CDH4: variants seen among roughly 807,000 people sequenced by gnomAD.
CDH4 encodes cadherin 4.
CDH4 carries 33 observed loss-of-function variants against 86.0 expected under a neutral mutation model. The observed-to-expected ratio is 0.38, with a 90% CI of 0.29 to 0.51. The LOEUF (loss-of-function observed/expected upper bound fraction) is 0.51, where lower values mean the gene tolerates loss of function less well. CDH4 is among the 20% of genes least tolerant of loss of function. The pLI is 0.86. For synonymous variants in CDH4, 555 were observed against 549.4 expected (o/e 1.01, Z -0.14); for missense variants, 1,114 against 1,307.4 (o/e 0.85, Z 2.28).
At chr20:61,532,926 A>G (rs547192690) in intron 2 of CDH4, among the ~76,000 whole-genome samples, 151 of 152,208 alleles carry the variant, frequency 9.9e-4, no homozygotes, top group African/African-American at 3.5e-3. Context: ...CTGCGATGCA[A>G]TCAAGGTACG....
At chr20:61,856,790 G>C (rs886079749) in intron 6 of CDH4, among the ~76,000 whole-genome samples, 2 of 152,216 alleles carry the variant, frequency 1.3e-5, no homozygotes, top group African/African-American at 4.8e-5. Context: ...TTGAGGCACA[G>C]AGTGAGATGT....
chr20:61,319,046 C>T (rs1220740989), intron 2 of CDH4, among the ~76,000 whole-genome samples: 2 of 152,218 alleles, frequency 1.3e-5, no homozygotes, highest in East Asian at 3.8e-4. Flanking sequence ...ACTTAGTTTC[C>T]ACGATCTTAA....
intron 2 of CDH4, among the ~76,000 whole-genome samples, chr20:61,555,879 AGTC>A (rs2086173584): frequency 6.6e-6 from 1 of 152,252 alleles, no homozygotes; most frequent in South Asian, 2.1e-4. Flanking sequence ...CACGGTTTCT[AGTC>A]GTGTGACAAT....
At chr20:61,652,938 A>ATTTTTTTTTTTTTT (rs763918382) in intron 2 of CDH4, among the ~76,000 whole-genome samples, 93 of 97,248 alleles carry the variant, frequency 9.6e-4, no homozygotes, top group Middle Eastern at 5.4e-3. Context: ...TTATTTATTT[A>ATTTTTTTTTTTTTT]TTTTTTTTTT....
chr20:61,311,429 A>T (rs890729138), intron 2 of CDH4, among the ~76,000 whole-genome samples: 2 of 152,244 alleles, frequency 1.3e-5, no homozygotes, highest in Non-Finnish European at 2.9e-5. Flanking sequence ...ACCTTTCCAT[A>T]TAAAGATGTA....
chr20:61,426,225 T>C (rs1314895051), intron 2 of CDH4, among the ~76,000 whole-genome samples: 1 of 152,242 alleles, frequency 6.6e-6, no homozygotes, highest in Non-Finnish European at 1.5e-5. Flanking sequence ...ATCATCTCAT[T>C]TTTTGACGCA....
At chr20:61,799,826 A>G (rs945620963) in intron 4 of CDH4, among the ~76,000 whole-genome samples, 1 of 152,154 alleles carries the variant, frequency 6.6e-6, no homozygotes, top group African/African-American at 2.4e-5. Flanking sequence ...GCTCAGCCCA[A>G]AAGGCCAGTC....
At chr20:61,880,383 GA>G (rs1035393340) in intron 7 of CDH4, among the ~76,000 whole-genome samples, 3 of 151,478 alleles carry the variant, frequency 2.0e-5, no homozygotes, top group Non-Finnish European at 4.4e-5. Flanking sequence ...TTGTCTTGCA[GA>G]AAAAAAAATA....
chr20:61,700,401 A>T lies in CDH4; in HGVS notation c.170-43162A>T, dbSNP rs1012605033. ...ATTCTTGGTCTGTCCTTGGGCTTAT[A>T]TTAGACTCTTGGGGTCAGGCCTTCC... On this transcript the variant is annotated intron_variant, in intron 2 of 15. Coordinates refer to ENST00000614565, the MANE Select transcript of CDH4 (RefSeq NM_001794.5). Among the ~76,000 whole-genome samples the T allele has an allele frequency of 2.6e-5, 4 of 152,156 alleles. No homozygotes were observed. The East Asian group carries it at 7.7e-4, about 29-fold the overall frequency.
intron 2 of CDH4, among the ~76,000 whole-genome samples, chr20:61,490,682 G>T (rs1377803165): frequency 6.6e-6 from 1 of 151,998 alleles, no homozygotes; most frequent in Non-Finnish European, 1.5e-5. Context: ...CTGGGCAACA[G>T]GGTGAGACTC....
chr20:61,281,425 G>A (rs2084258289), intron 2 of CDH4, among the ~76,000 whole-genome samples: 1 of 152,210 alleles, frequency 6.6e-6, no homozygotes, highest in Admixed American at 6.5e-5. Context: ...CAGGAATTGG[G>A]CCCTCACCAG....
At chr20:61,595,061 A>G (rs2086545787) in intron 2 of CDH4, among the ~76,000 whole-genome samples, 1 of 152,222 alleles carries the variant, frequency 6.6e-6, no homozygotes, top group South Asian at 2.1e-4. Context: ...CGTGTTGCAC[A>G]GAGTGGTTGG....
intron 2 of CDH4, among the ~76,000 whole-genome samples, chr20:61,522,859 A>G (rs1396215125): frequency 5.3e-5 from 8 of 152,242 alleles, no homozygotes; most frequent in African/African-American, 1.9e-4. Flanking sequence ...TTAGTCTAAC[A>G]CTTACTACCG....
chr20:61,418,635 GGAGT>G (rs2085160500), intron 2 of CDH4, among the ~76,000 whole-genome samples: 3 of 152,316 alleles, frequency 2.0e-5, no homozygotes, highest in South Asian at 4.1e-4. Context: ...CGCGTGTGGA[GGAGT>G]TAGTGTCCTG....
rs1200734650 is a variant in CDH4, at chr20:61,785,551, AGCCCTCACCCAGCTGGATAGG to A, written c.576+12382_576+12402del. Among the ~76,000 whole-genome samples the A allele has an allele frequency of 1.9e-4, 29 of 152,246 alleles. No homozygotes were observed. The East Asian group carries it at 5.6e-3, about 29-fold the overall frequency. ...ACTGCACACCCCACCAGGTGCACAG[AGCCCTCACCCAGCTGGATAGG>A]GCCCTCACCCAGGTGCGCAGAGCCC... On this transcript the variant is annotated intron_variant, in intron 4 of 15. Coordinates refer to ENST00000614565, the MANE Select transcript of CDH4 (RefSeq NM_001794.5).
intron 6 of CDH4, among the ~76,000 whole-genome samples, chr20:61,870,990 C>T (rs948604514): frequency 1.3e-5 from 2 of 151,852 alleles, no homozygotes; most frequent in Admixed American, 6.6e-5. Flanking sequence ...TTAGACGCAC[C>T]AGTGTATTTA....
chr20:61,889,069 C>A (rs1245321163), intron 7 of CDH4, among the ~76,000 whole-genome samples: 1 of 152,210 alleles, frequency 6.6e-6, no homozygotes, highest in African/African-American at 2.4e-5. Flanking sequence ...CACCATGCAC[C>A]TCATACCTCC....
At chr20:61,354,233 G>A (rs2084733094) in intron 2 of CDH4, among the ~76,000 whole-genome samples, 1 of 152,114 alleles carries the variant, frequency 6.6e-6, no homozygotes, top group East Asian at 1.9e-4. Context: ...CTGCTCTAAG[G>A]AGCGGAAATG....
intron 2 of CDH4, among the ~76,000 whole-genome samples, chr20:61,562,119 G>T (rs1346144357): frequency 2.1e-5 from 3 of 143,410 alleles, no homozygotes; most frequent in African/African-American, 7.8e-5. Context: ...CGGAGAGAGG[G>T]ACCTCCGTGT....
Sources: allele counts gnomAD v4.1 joint callset (sites outside exome capture counted in the v4.1 genomes callset), GRCh38; gene constraint gnomAD v4.1.1; transcripts MANE v1.5; gene names NCBI Gene and HGNC (gene_info 2026-07-23, HGNC 2026-07-21).